The following SOX5 variants were observed in gnomAD, a reference collection of about 807,000 sequenced individuals.
SOX5 encodes the protein SRY-box transcription factor 5, also known as transcription factor SOX-5.
Under a neutral mutation model 92.0 loss-of-function variants are expected in SOX5, and 9 were observed. That is an observed-to-expected ratio of 0.10 (90% CI 0.06 to 0.17). SOX5 has a LOEUF of 0.17. Ranked by LOEUF, SOX5 falls within the 10% of genes least tolerant of loss-of-function variation. The pLI is 1.00. For synonymous variants in SOX5, 344 were observed against 336.3 expected (o/e 1.02, Z -0.25); for missense variants, 642 against 944.5 (o/e 0.68, Z 4.20).
At chr12:24,082,044 G>T (rs1379185385) in intron 4 of SOX5, among the ~76,000 whole-genome samples, 1 of 151,922 alleles carries the variant, frequency 6.6e-6, no homozygotes, top group Admixed American at 6.6e-5. Context: ...TAATTTTGTT[G>T]TTGTTGTTGT....
At chr12:24,389,299 T>C (rs899209428) in intron 1 of SOX5, among the ~76,000 whole-genome samples, 3 of 152,258 alleles carry the variant, frequency 2.0e-5, no homozygotes, top group African/African-American at 4.8e-5. Flanking sequence ...TCATTTTTTA[T>C]GGCTGCATAG....
chr12:23,809,328 A>G (rs2095835376), intron 3 of SOX5, among the ~76,000 whole-genome samples: 1 of 152,098 alleles, frequency 6.6e-6, no homozygotes, highest in Non-Finnish European at 1.5e-5. Flanking sequence ...TTCACTGAGT[A>G]CCTTGTGCAT....
chr12:23,971,902 T>C (rs1948382888), intron 4 of SOX5, among the ~76,000 whole-genome samples: 1 of 152,066 alleles, frequency 6.6e-6, no homozygotes. Flanking sequence ...TAGGTACTTA[T>C]TTTTTTCCAT....
At chr12:24,447,018 T>C (rs1941581319) in intron 1 of SOX5, among the ~76,000 whole-genome samples, 18 of 152,200 alleles carry the variant, frequency 1.2e-4, no homozygotes, top group Admixed American at 1.2e-3. Flanking sequence ...TCCATATTGA[T>C]AGAAATTAGT....
chr12:24,545,627 T>C (rs930254259), intron 1 of SOX5, among the ~76,000 whole-genome samples: 1 of 152,226 alleles, frequency 6.6e-6, no homozygotes, highest in African/African-American at 2.4e-5. Flanking sequence ...CGCATTTTAA[T>C]AAAAATCTGA....
intron 4 of SOX5, among the ~76,000 whole-genome samples, chr12:24,035,664 A>G (rs2418156): frequency 0.37 from 56,482 of 151,918 alleles, 11,509 homozygotes; most frequent in East Asian, 0.63. Flanking sequence ...CTCCTCTGGA[A>G]CTTAAATGTA....
chr12:23,640,289 T>C (rs536492967), intron 8 of SOX5, among the ~76,000 whole-genome samples: 1 of 152,294 alleles, frequency 6.6e-6, no homozygotes, highest in East Asian at 1.9e-4. Context: ...AAGTCTTAAT[T>C]GGGATGACTG....
chr12:24,139,902 A>G lies in SOX5; in HGVS notation c.-2+73441T>C, dbSNP rs548649376. Among the ~76,000 whole-genome samples, 316 of 152,224 alleles carry G rather than the reference A, an allele frequency of 2.1e-3. 1 individual carries two copies. Among genetic ancestry groups the G allele is most frequent in the African/African-American group, 7.2e-3 (301 of 41,542 alleles). On this transcript the variant is annotated intron_variant, in intron 4 of 4. Coordinates refer to the SOX5 transcript ENST00000446891. ...TGGATAAGATGATACTTTCCTTAGGATATACGAATGAATACGTGCACCGTC... is the reference window on the plus strand; with the variant it reads ...TGGATAAGATGATACTTTCCTTAGGGTATACGAATGAATACGTGCACCGTC...
intron 6 of SOX5, among the ~76,000 whole-genome samples, chr12:23,683,314 T>C (rs1046955368): frequency 6.6e-5 from 10 of 151,904 alleles, no homozygotes; most frequent in Admixed American, 2.6e-4. Flanking sequence ...CATTCCATTT[T>C]ATATTTTTTA....
chr12:23,914,186 A>T (rs968035739), intron 1 of SOX5, among the ~76,000 whole-genome samples: 2 of 151,714 alleles, frequency 1.3e-5, no homozygotes, highest in African/African-American at 2.4e-5. Flanking sequence ...ATGAAGTCTA[A>T]TTTTTTTTTA....
At chr12:23,598,486 C>T (rs865786430) in intron 9 of SOX5, among the ~76,000 whole-genome samples, 1 of 149,446 alleles carries the variant, frequency 6.7e-6, no homozygotes, top group African/African-American at 2.5e-5. Context: ...GCAAGCTCCG[C>T]CTCCTGGGTT....
intron 1 of SOX5, among the ~76,000 whole-genome samples, chr12:24,405,982 T>G (rs993723824): frequency 1.3e-5 from 2 of 152,054 alleles, no homozygotes; most frequent in Non-Finnish European, 2.9e-5. Flanking sequence ...AGGAAACCTT[T>G]AGTGGGCCTG....
In SOX5 at chr12:23,575,727, C is replaced by T; in HGVS notation, c.1276G>A (p.Ala426Thr). 6.2e-7 allele frequency: 1 copy of T among 1,614,024 alleles called. No individual in the cohort carries two copies. The highest frequency in any genetic ancestry group is 8.5e-7 in the Non-Finnish European group (1 of 1,179,924). The change falls in exon 10 of 15, where the codon GCA (alanine) becomes ACA (threonine). Residue 426 changes from alanine to threonine, a missense_variant. This residue lies in a region of SOX5 where 324 missense variants were observed against 461.6 expected (regional missense o/e 0.70). Coordinates refer to ENST00000451604, the MANE Select transcript of SOX5 (RefSeq NM_006940.6). ...HMPALRINSG[A>T]GPLKASVPAA... Reference sequence around the variant, plus strand: ...GGGACAGAGGCTTTGAGGGGGCCTGCCCCACTGTTTATTCTCAGAGCTGGC... The same window carrying T: ...GGGACAGAGGCTTTGAGGGGGCCTGTCCCACTGTTTATTCTCAGAGCTGGC...
chr12:24,385,753 C>T lies in SOX5; in HGVS notation c.-250-17114G>A, dbSNP rs537139070. ...AGGAGTTTGAGACCAGCAGGGGCAA[C>T]GTAGTGAAATCTCATGTCTACCAAA... On this transcript the variant is annotated intron_variant, in intron 1 of 4. Transcript: ENST00000446891. Among the ~76,000 whole-genome samples, 7 of 151,836 alleles carry T rather than the reference C, an allele frequency of 4.6e-5. No homozygotes were observed. The East Asian group carries it at 1.4e-3, about 29-fold the overall frequency.
At chr12:24,327,009 A>G (rs910522402) in intron 2 of SOX5, among the ~76,000 whole-genome samples, 4 of 152,234 alleles carry the variant, frequency 2.6e-5, no homozygotes, top group African/African-American at 9.6e-5. Flanking sequence ...TCTCAGACAC[A>G]GTAGGTGCTC....
rs150700493 is a variant in SOX5 at position 23,833,304 on chromosome 12, A to G, written c.481+12679T>C. ...GAGAGGTTGTGGAGGGAAAGATCCA[A>G]TAATAAAATTGCCCCAATCTGGAGC... On this transcript the variant is annotated intron_variant, in intron 3 of 14. Transcript: ENST00000451604. Among the ~76,000 whole-genome samples the G allele has an allele frequency of 1.8e-3, 273 of 151,860 alleles. 1 individual carries two copies. The highest frequency in any genetic ancestry group is 6.4e-3 in the African/African-American group (264 of 41,446).
intron 6 of SOX5, among the ~76,000 whole-genome samples, chr12:23,732,255 G>A (rs570163093): frequency 1.4e-4 from 21 of 152,154 alleles, no homozygotes; most frequent in South Asian, 6.2e-4. Flanking sequence ...TTTATGTGGC[G>A]GGAAAATTAG....
At chr12:24,322,709 C>A (rs1463427158) in intron 2 of SOX5, among the ~76,000 whole-genome samples, 1 of 152,124 alleles carries the variant, frequency 6.6e-6, no homozygotes, top group Admixed American at 6.5e-5. Context: ...AATCTATCTG[C>A]AAACAAGAAA....
At chr12:23,817,939 G>A (rs2096028308) in intron 3 of SOX5, among the ~76,000 whole-genome samples, 1 of 152,172 alleles carries the variant, frequency 6.6e-6, no homozygotes, top group South Asian at 2.1e-4. Flanking sequence ...CTGTCAGAAT[G>A]AGAGAATGAC....
Sources: allele counts gnomAD v4.1 joint callset (sites outside exome capture counted in the v4.1 genomes callset), GRCh38; gene constraint gnomAD v4.1.1; regional missense constraint gnomAD v4.1.1; transcripts MANE v1.5; gene names NCBI Gene and HGNC (gene_info 2026-07-23, HGNC 2026-07-21).